The following PXDNL variants were observed in gnomAD, a reference collection of about 807,000 sequenced individuals.
The protein encoded by PXDNL is peroxidasin like.
Under a neutral mutation model 150.8 loss-of-function variants are expected in PXDNL, and 145 were observed. The observed-to-expected ratio is 0.96, with a 90% CI of 0.84 to 1.10. The LOEUF (loss-of-function observed/expected upper bound fraction) is 1.10, where lower values mean the gene tolerates loss of function less well. PXDNL is among the 50% of genes least tolerant of loss of function. PXDNL has a pLI of 0.00. For missense variants in PXDNL, 2,087 were observed against 1,873.9 expected (o/e 1.11, Z -2.10); for synonymous variants, 757 against 725.7 (o/e 1.04, Z -0.69).
At chr8:51,773,307 G>A (rs2037319236) in intron 1 of PXDNL, among the ~76,000 whole-genome samples, 1 of 152,140 alleles carries the variant, frequency 6.6e-6, no homozygotes, top group Admixed American at 6.5e-5. Context: ...GTAAGGCAGG[G>A]AGCCAGCCAC....
At chr8:51,660,233 A>T (rs1815244391) in intron 1 of PXDNL, among the ~76,000 whole-genome samples, 1 of 152,168 alleles carries the variant, frequency 6.6e-6, no homozygotes, top group Non-Finnish European at 1.5e-5. Context: ...CAGATGGTGC[A>T]GTCCAGTGTA....
At chr8:51,754,511 C>CAT (rs1554512728) in intron 1 of PXDNL, among the ~76,000 whole-genome samples, 8 of 149,508 alleles carry the variant, frequency 5.4e-5, no homozygotes, top group Non-Finnish European at 1.2e-4. Flanking sequence ...CAAGTCATTT[C>CAT]TTTTTTTTTT....
intron 6 of PXDNL, among the ~76,000 whole-genome samples, chr8:51,482,586 A>C (rs1810627889): frequency 6.6e-6 from 1 of 152,152 alleles, no homozygotes. Context: ...CCCAAATCTC[A>C]TCTTGAATTG....
chr8:51,714,196 T>C (rs1457592884), intron 1 of PXDNL, among the ~76,000 whole-genome samples: 1 of 152,272 alleles, frequency 6.6e-6, no homozygotes, highest in Non-Finnish European at 1.5e-5. Flanking sequence ...CTAGGCCTTA[T>C]ATTTTTGACT....
At chr8:51,321,085 A>G (rs779277188) in intron 21 of PXDNL, 188 bp from the exon 22 acceptor site, 4 of 547,580 alleles carry the variant, frequency 7.3e-6, no homozygotes, top group Admixed American at 3.4e-5. Context: ...CCAGTATCCA[A>G]ACAAATAAAC....
At chr8:51,444,660 G>A (rs979093125) in intron 12 of PXDNL, among the ~76,000 whole-genome samples, 8 of 152,070 alleles carry the variant, frequency 5.3e-5, no homozygotes, top group African/African-American at 9.7e-5. Flanking sequence ...AACAGATGAA[G>A]GTTCTGCAAA....
At chr8:51,788,111 A>G (rs1259985638) in intron 1 of PXDNL, among the ~76,000 whole-genome samples, 2 of 152,284 alleles carry the variant, frequency 1.3e-5, no homozygotes, top group African/African-American at 4.8e-5. Context: ...TAGTGTAAAC[A>G]TAACTTTTAT....
rs140416580 is a variant in PXDNL at position 51,619,552 on chromosome 8, C to T, written c.237-26854G>A. Among the ~76,000 whole-genome samples the T allele has an allele frequency of 2.3e-4, 35 of 152,238 alleles. No individual in the cohort carries two copies. In the East Asian group the frequency reaches 6.8e-3, roughly 29 times the overall value. On this transcript the variant is annotated intron_variant, in intron 2 of 22. Coordinates refer to ENST00000356297, the MANE Select transcript of PXDNL (RefSeq NM_144651.5). ...ACGGGGGTGGATTTCCCCTTCGGTG[C>T]TCCTCTCATGATACTGAGTGAGAGC... is the stretch of plus-strand genomic sequence containing the variant.
rs559756313 is a variant in PXDNL, at chr8:51,644,396, A to G, written c.236+10293T>C. ...TATATATACACACACATATGTGTATATATATACACATGTGTGTGTATATAT... is the reference window on the plus strand; with the variant it reads ...TATATATACACACACATATGTGTATGTATATACACATGTGTGTGTATATAT... On this transcript the variant is annotated intron_variant, in intron 2 of 22. Coordinates refer to ENST00000356297, the MANE Select transcript of PXDNL (RefSeq NM_144651.5). Among the ~76,000 whole-genome samples the G allele has an allele frequency of 7.7e-4, 40 of 51,944 alleles. 1 individual carries two copies. The highest frequency in any genetic ancestry group is 2.6e-3 in the African/African-American group (39 of 14,818). 34.1% of individuals were successfully genotyped at this position (51,944 alleles called of 152,430 possible).
chr8:51,350,351 C>CTGCT (rs1554528094), intron 19 of PXDNL, among the ~76,000 whole-genome samples: 9 of 72,832 alleles, frequency 1.2e-4, no homozygotes, highest in Non-Finnish European at 1.3e-4. Context: ...GCAAATGCAG[C>CTGCT]TTCTTTTTTT....
intron 1 of PXDNL, among the ~76,000 whole-genome samples, chr8:51,655,813 A>G (rs1480333005): frequency 6.6e-6 from 1 of 152,158 alleles, no homozygotes; most frequent in Non-Finnish European, 1.5e-5. Context: ...TCACTACCTC[A>G]TCTTGTCCAC....
chr8:51,627,361 T>C (rs1171936820), intron 2 of PXDNL, among the ~76,000 whole-genome samples: 1 of 152,208 alleles, frequency 6.6e-6, no homozygotes, highest in East Asian at 1.9e-4. Context: ...TATTTGTATA[T>C]GATCATCCAA....
At chr8:51,680,706 C>T (rs1467897154) in intron 1 of PXDNL, among the ~76,000 whole-genome samples, 1 of 152,168 alleles carries the variant, frequency 6.6e-6, no homozygotes, top group Non-Finnish European at 1.5e-5. Context: ...GGTGGCCAGA[C>T]AGCGAGTCTC....
chr8:51,668,856 G>T (rs948255506), intron 1 of PXDNL, among the ~76,000 whole-genome samples: 4 of 152,246 alleles, frequency 2.6e-5, no homozygotes, highest in Admixed American at 1.3e-4. Flanking sequence ...TAGTCAGAAG[G>T]TCCATAAACT....
At chr8:51,644,390 G>GTGTTACACATA (rs1454512942) in intron 2 of PXDNL, among the ~76,000 whole-genome samples, 1 of 28,532 alleles carries the variant, frequency 3.5e-5, no homozygotes, top group Non-Finnish European at 6.9e-5. Context: ...ACACACATAT[G>GTGTTACACATA]TGTATATATA....
chr8:51,498,096 C>T (rs1414850708), intron 5 of PXDNL, among the ~76,000 whole-genome samples: 3 of 152,024 alleles, frequency 2.0e-5, no homozygotes, highest in African/African-American at 7.3e-5. Flanking sequence ...GAATACTATG[C>T]AGCCATAAAA....
intron 22 of PXDNL, among the ~76,000 whole-genome samples, chr8:51,320,430 G>C (rs1805282280): frequency 6.6e-6 from 1 of 152,162 alleles, no homozygotes; most frequent in African/African-American, 2.4e-5. Context: ...TTTACCAAGT[G>C]CCTTTAGGCA....
rs536468204 is a variant in PXDNL, at chr8:51,455,115, C to CA, written c.983-1331dup. On this transcript the variant is annotated intron_variant, in intron 9 of 22. Transcript: ENST00000356297. Reference sequence around the variant, plus strand: ...TGGGCGACAGAGCGAGACTCCGTCTCAAAAAAAAAAAAAAAAAAGAGGTAA... The same window carrying CA: ...TGGGCGACAGAGCGAGACTCCGTCTCAAAAAAAAAAAAAAAAAAAGAGGTAA... Among the ~76,000 whole-genome samples, 36 of 15,856 alleles carry CA rather than the reference C, an allele frequency of 2.3e-3. 9 individuals are homozygous for CA. Among genetic ancestry groups the CA allele is most frequent in the African/African-American group, 5.4e-3 (23 of 4,264 alleles). The allele number at this position is 15,856 out of a possible 152,430, so 10.4% of individuals were successfully genotyped here. A position where few individuals can be genotyped will look rare whatever the true frequency, so the allele number is the denominator to read the frequency against.
intron 15 of PXDNL, among the ~76,000 whole-genome samples, chr8:51,412,668 G>GTTACA (rs1808685887): frequency 6.6e-6 from 1 of 152,190 alleles, no homozygotes; most frequent in Non-Finnish European, 1.5e-5. Flanking sequence ...GCATCCTGAT[G>GTTACA]TTACAAACAC....
Sources: gnomAD v4.1 joint callset for allele counts (sites outside exome capture counted in the v4.1 genomes callset) on GRCh38, gnomAD v4.1.1 for gene constraint, MANE v1.5 for transcripts, NCBI Gene and HGNC (gene_info 2026-07-23, HGNC 2026-07-21) for gene names.